Variants in MAGI2 observed in about 807,000 individuals in gnomAD.
MAGI2 encodes membrane-associated guanylate kinase, WW and PDZ domain-containing protein 2.
Under a neutral mutation model 133.3 loss-of-function variants are expected in MAGI2, and 35 were observed. That is an observed-to-expected ratio of 0.26 (90% CI 0.20 to 0.35). The LOEUF is 0.35. MAGI2 is among the 10% of genes least tolerant of loss of function. The pLI is 1.00. For missense variants in MAGI2, 1,636 were observed against 1,863.4 expected (o/e 0.88, Z 2.25); for synonymous variants, 729 against 710.6 (o/e 1.03, Z -0.41).
chr7:78,687,243 A>G (rs1178713694), intron 2 of MAGI2, among the ~76,000 whole-genome samples: 1 of 152,130 alleles, frequency 6.6e-6, no homozygotes, highest in Non-Finnish European at 1.5e-5. Flanking sequence ...TGATTATACG[A>G]TCAGGAGTAT....
intron 1 of MAGI2, among the ~76,000 whole-genome samples, chr7:79,026,829 G>A (rs536363295): frequency 6.7e-6 from 1 of 150,292 alleles, no homozygotes; most frequent in Admixed American, 6.6e-5. Flanking sequence ...AGCCAAGATC[G>A]GCAATCCAGC....
At chr7:79,392,256 G>T (rs546497469) in intron 1 of MAGI2, among the ~76,000 whole-genome samples, 1 of 152,182 alleles carries the variant, frequency 6.6e-6, no homozygotes, top group South Asian at 2.1e-4. Flanking sequence ...ACCAGTCTAT[G>T]ATTGACAGGC....
chr7:78,973,885 C>T (rs890266627), intron 2 of MAGI2, among the ~76,000 whole-genome samples: 1 of 151,792 alleles, frequency 6.6e-6, no homozygotes, highest in Admixed American at 6.6e-5. Context: ...TCTCCTGTCT[C>T]TACTTTTGAA....
At chr7:78,799,401 G>A in intron 2 of MAGI2, among the ~76,000 whole-genome samples, 1 of 152,200 alleles carries the variant, frequency 6.6e-6, no homozygotes, top group African/African-American at 2.4e-5. Flanking sequence ...ATGTCAAAAT[G>A]ATTTACTGAA....
intron 2 of MAGI2, among the ~76,000 whole-genome samples, chr7:78,906,860 G>A (rs1030580631): frequency 7.2e-5 from 11 of 152,002 alleles, no homozygotes; most frequent in African/African-American, 2.7e-4. Flanking sequence ...CTATACATAT[G>A]CACATATATG....
chr7:78,501,868 A>C lies in MAGI2; in HGVS notation c.755-81T>G. 4.1e-6 allele frequency: 4 copies of C among 980,456 alleles called. 1 individual carries two copies. The South Asian group carries it at 5.7e-5, about 14-fold the overall frequency. The allele number at this position is 980,456 out of a possible 1,614,324, so 60.7% of individuals were successfully genotyped here. The stretch of plus-strand genomic sequence containing the variant: ...GAGTATGGAGAATGCTGTACCAGGG[A>C]ATAAACGTCATGAATAACTTCTATG... On this transcript the variant is annotated intron_variant, in intron 4 of 21. Coordinates refer to ENST00000354212, the MANE Select transcript of MAGI2 (RefSeq NM_012301.4).
intron 1 of MAGI2, among the ~76,000 whole-genome samples, chr7:79,320,003 G>A (rs1839045250): frequency 6.6e-6 from 1 of 152,174 alleles, no homozygotes; most frequent in African/African-American, 2.4e-5. Context: ...CATAGGTTAA[G>A]TAACAGAATT....
At chr7:79,104,669 A>C (rs1818294360) in intron 1 of MAGI2, among the ~76,000 whole-genome samples, 1 of 152,062 alleles carries the variant, frequency 6.6e-6, no homozygotes, top group African/African-American at 2.4e-5. Flanking sequence ...CCATCTCAAA[A>C]ATAAATAAAT....
intron 1 of MAGI2, among the ~76,000 whole-genome samples, chr7:79,399,675 GAATTA>G (rs1845332977): frequency 6.6e-6 from 1 of 152,120 alleles, no homozygotes; most frequent in African/African-American, 2.4e-5. Flanking sequence ...TAAGAACTCT[GAATTA>G]TTTAAAGGAC....
chr7:78,778,703 TG>T (rs1474771301), intron 2 of MAGI2, among the ~76,000 whole-genome samples: 1 of 152,178 alleles, frequency 6.6e-6, no homozygotes, highest in African/African-American at 2.4e-5. Context: ...ACCTTAGTTT[TG>T]AATCAAATTC....
chr7:78,270,077 G>C (rs1794413134), intron 9 of MAGI2, among the ~76,000 whole-genome samples: 1 of 152,156 alleles, frequency 6.6e-6, no homozygotes, highest in South Asian at 2.1e-4. Context: ...AATGCTGGTA[G>C]ATATGTGGTG....
At chr7:79,377,977 C>G (rs1236436991) in intron 1 of MAGI2, among the ~76,000 whole-genome samples, 1 of 151,816 alleles carries the variant, frequency 6.6e-6, no homozygotes, top group Non-Finnish European at 1.5e-5. Flanking sequence ...TTAAGCTGAA[C>G]AGTGCGTGAT....
At chr7:78,401,355 C>T (rs1038975017) in intron 6 of MAGI2, among the ~76,000 whole-genome samples, 2 of 152,146 alleles carry the variant, frequency 1.3e-5, no homozygotes, top group Admixed American at 6.6e-5. Context: ...GATGAAATCA[C>T]TTAATATTTT....
intron 2 of MAGI2, among the ~76,000 whole-genome samples, chr7:78,711,430 A>C (rs889664231): frequency 6.6e-6 from 1 of 152,140 alleles, no homozygotes; most frequent in African/African-American, 2.4e-5. Context: ...GGCAGGAATA[A>C]AATGGGTGAA....
chr7:78,518,523 C>T (rs1219075998), intron 4 of MAGI2: 1 of 152,060 alleles, frequency 6.6e-6, no homozygotes, highest in African/African-American at 2.4e-5. Context: ...GGTAAGCATT[C>T]AAAAGAAGTG....
intron 2 of MAGI2, among the ~76,000 whole-genome samples, chr7:78,718,293 C>T (rs548918371): frequency 3.3e-5 from 5 of 152,280 alleles, no homozygotes; most frequent in African/African-American, 1.2e-4. Flanking sequence ...CAAGTAGGAG[C>T]ACATACCGTC....
At chr7:79,199,908 A>G (rs1016255276) in intron 1 of MAGI2, among the ~76,000 whole-genome samples, 9 of 151,864 alleles carry the variant, frequency 5.9e-5, no homozygotes, top group African/African-American at 2.2e-4. Context: ...GGAGATTTCT[A>G]TGTTACACAG....
intron 2 of MAGI2, among the ~76,000 whole-genome samples, chr7:78,644,723 G>C (rs1413237674): frequency 1.3e-5 from 2 of 151,952 alleles, no homozygotes; most frequent in East Asian, 3.9e-4. Context: ...AATGACCTCG[G>C]AAACTGGTAA....
chr7:79,376,205 A>G (rs562025111), intron 1 of MAGI2, among the ~76,000 whole-genome samples: 212 of 152,060 alleles, frequency 1.4e-3, no homozygotes, highest in African/African-American at 4.8e-3. Context: ...TATATATACC[A>G]TGTTTTTTCC....
Sources: allele counts gnomAD v4.1 joint callset (sites outside exome capture counted in the v4.1 genomes callset), GRCh38; gene constraint gnomAD v4.1.1; transcripts MANE v1.5; gene names NCBI Gene and HGNC (gene_info 2026-07-23, HGNC 2026-07-21).